Variants in RBFOX1 observed in about 807,000 individuals in gnomAD.
The protein encoded by RBFOX1 is RNA binding protein fox-1 homolog 1.
In RBFOX1, 8 loss-of-function variants were observed where a neutral mutation model predicts 57.7. The observed-to-expected ratio is 0.14, with a 90% confidence interval of 0.08 to 0.25. The LOEUF (loss-of-function observed/expected upper bound fraction) is 0.25, where lower values mean the gene tolerates loss of function less well. Among genes scored for constraint, RBFOX1 ranks in the 10% least tolerant of loss-of-function variants. The pLI is 1.00. For missense variants in RBFOX1, 611 were observed against 548.5 expected (o/e 1.11, Z -1.14); for synonymous variants, 326 against 222.4 (o/e 1.47, Z -4.15).
intron 3 of RBFOX1, among the ~76,000 whole-genome samples, chr16:6,727,470 G>A (rs1000757376): frequency 2.0e-5 from 3 of 151,610 alleles, no homozygotes; most frequent in Non-Finnish European, 4.4e-5. Context: ...TACACCAGAT[G>A]AAGCACAGGG....
chr16:7,569,457 G>C (rs2152757522), intron 5 of RBFOX1, among the ~76,000 whole-genome samples: 1 of 152,216 alleles, frequency 6.6e-6, no homozygotes, highest in East Asian at 1.9e-4. Context: ...TGTTCACTCT[G>C]ACATTGGGGG....
chr16:6,115,122 A>C (rs2096484863), intron 1 of RBFOX1, among the ~76,000 whole-genome samples: 1 of 152,102 alleles, frequency 6.6e-6, no homozygotes, highest in African/African-American at 2.4e-5. Flanking sequence ...TCTGCTAACG[A>C]GCCGTGAGGG....
chr16:6,910,677 C>G (rs2071342355), intron 3 of RBFOX1, among the ~76,000 whole-genome samples: 1 of 152,118 alleles, frequency 6.6e-6, no homozygotes. Context: ...GGCTCGTGGC[C>G]CTTCTCAGCT....
intron 1 of RBFOX1, among the ~76,000 whole-genome samples, chr16:6,081,730 C>G (rs769281484): frequency 5.3e-5 from 8 of 152,168 alleles, no homozygotes; most frequent in South Asian, 4.1e-4. Flanking sequence ...AGGTATCTAG[C>G]AATAGCAGAA....
At chr16:7,367,267 C>A (rs1364184256) in intron 4 of RBFOX1, among the ~76,000 whole-genome samples, 3 of 152,190 alleles carry the variant, frequency 2.0e-5, no homozygotes, top group African/African-American at 7.2e-5. Context: ...TTGAGAGTTG[C>A]TGTTTTGAGA....
chr16:5,703,192 G>A (rs1308729479), intron 3 of RBFOX1, among the ~76,000 whole-genome samples: 2 of 152,206 alleles, frequency 1.3e-5, no homozygotes, highest in African/African-American at 2.4e-5. Flanking sequence ...TGAAAGAGGG[G>A]CACAGGATAC....
chr16:6,048,608 G>A (rs538390140), intron 1 of RBFOX1, among the ~76,000 whole-genome samples: 1 of 152,248 alleles, frequency 6.6e-6, no homozygotes, highest in Admixed American at 6.5e-5. Flanking sequence ...ATTCCCTGCA[G>A]AAAATTTTAT....
chr16:7,390,881 G>C (rs894840089), intron 4 of RBFOX1, among the ~76,000 whole-genome samples: 1 of 152,088 alleles, frequency 6.6e-6, no homozygotes, highest in Non-Finnish European at 1.5e-5. Context: ...TGGAGAGTTG[G>C]GAATGTAGAA....
At chr16:6,834,088 G>A (rs750300456) in intron 3 of RBFOX1, among the ~76,000 whole-genome samples, 6 of 151,588 alleles carry the variant, frequency 4.0e-5, no homozygotes, top group African/African-American at 1.2e-4. Flanking sequence ...TTTTTGAGGC[G>A]GAGTCTCCCT....
intron 3 of RBFOX1, among the ~76,000 whole-genome samples, chr16:7,009,718 A>C (rs1471738136): frequency 2.7e-4 from 41 of 152,308 alleles, no homozygotes; most frequent in Admixed American, 2.6e-3. Context: ...GAGCCAACCT[A>C]ATCAGCCTGA....
chr16:5,335,919 G>A (rs2064884949), intron 1 of RBFOX1, among the ~76,000 whole-genome samples: 1 of 152,202 alleles, frequency 6.6e-6, no homozygotes, highest in East Asian at 1.9e-4. Context: ...GATTCTGTGA[G>A]CCAGGTACTG....
chr16:5,611,711 C>CGTCCATCT (rs1331672973), intron 3 of RBFOX1, among the ~76,000 whole-genome samples: 59 of 148,760 alleles, frequency 4.0e-4, no homozygotes, highest in East Asian at 1.5e-3. Flanking sequence ...CTCTCCCATC[C>CGTCCATCT]ATCCATCTAT....
At position 6,260,846 on chromosome 16, in the gene RBFOX1, C is replaced by T. The variant is rs369815113; in HGVS notation, c.-126-56149C>T. The stretch of plus-strand genomic sequence containing the variant: ...CAGTTAGGTGAGATTGTATGACTTC[C>T]TTCCAGCCTGGGCAACAGTGCAAGA... On this transcript the variant is annotated intron_variant, in intron 1 of 15. Coordinates refer to ENST00000550418, the MANE Select transcript of RBFOX1 (RefSeq NM_018723.4). 7.2e-5 allele frequency among the ~76,000 whole-genome samples: 11 copies of T among 151,986 alleles called. No homozygotes were observed. The East Asian group carries it at 1.2e-3, about 16-fold the overall frequency.
chr16:5,468,703 T>TA (rs1256324555), intron 2 of RBFOX1, among the ~76,000 whole-genome samples: 3 of 152,180 alleles, frequency 2.0e-5, no homozygotes, highest in Admixed American at 1.3e-4. Context: ...TATACAGCCA[T>TA]AAAAAGGAAG....
intron 1 of RBFOX1, among the ~76,000 whole-genome samples, chr16:6,194,665 T>C (rs2097168411): frequency 6.6e-6 from 1 of 152,218 alleles, no homozygotes; most frequent in Non-Finnish European, 1.5e-5. Context: ...TGAGTGCCAC[T>C]GGCTCTTTGT....
At chr16:5,982,048 G>C (rs2060185027) in intron 4 of RBFOX1, among the ~76,000 whole-genome samples, 1 of 152,182 alleles carries the variant, frequency 6.6e-6, no homozygotes, top group Non-Finnish European at 1.5e-5. Context: ...CAAAAGGCCA[G>C]GACACATCTC....
intron 3 of RBFOX1, among the ~76,000 whole-genome samples, chr16:6,800,019 C>G (rs567415451): frequency 6.6e-6 from 1 of 152,240 alleles, no homozygotes; most frequent in Admixed American, 6.5e-5. Context: ...AGTTCTGTCC[C>G]TCTGGAGAAC....
intron 2 of RBFOX1, among the ~76,000 whole-genome samples, chr16:5,470,019 A>C (rs2069081240): frequency 6.6e-6 from 1 of 152,122 alleles, no homozygotes; most frequent in African/African-American, 2.4e-5. Flanking sequence ...TATACCTAGG[A>C]GTGGAATTGT....
chr16:6,749,687 A>C (rs1351687959), intron 3 of RBFOX1, among the ~76,000 whole-genome samples: 2 of 152,208 alleles, frequency 1.3e-5, no homozygotes, highest in African/African-American at 4.8e-5. Context: ...TAGTGACCTC[A>C]GTAAATAATA....
Sources: gnomAD v4.1 joint callset for allele counts (sites outside exome capture counted in the v4.1 genomes callset) on GRCh38, gnomAD v4.1.1 for gene constraint, MANE v1.5 for transcripts, NCBI Gene and HGNC (gene_info 2026-07-23, HGNC 2026-07-21) for gene names.